Variants in PTPRG observed in about 807,000 individuals in gnomAD.
The protein encoded by PTPRG is protein tyrosine phosphatase receptor type G, also known as receptor-type tyrosine-protein phosphatase gamma.
In PTPRG, 102 loss-of-function variants were observed where a neutral mutation model predicts 165.3. That is an observed-to-expected ratio of 0.62 (90% confidence interval 0.53 to 0.73). The LOEUF is 0.73. PTPRG is among the 30% of genes least tolerant of loss of function. The pLI is 0.00. For missense variants in PTPRG, 1,866 were observed against 1,861.4 expected, an observed-to-expected ratio of 1.00 and a Z score of -0.05; for synonymous variants, 675 against 669.5, an observed-to-expected ratio of 1.01 and a Z score of -0.13.
chr3:62,104,435 C>T (rs1316448902), intron 5 of PTPRG, among the ~76,000 whole-genome samples: 5 of 152,198 alleles, frequency 3.3e-5, no homozygotes, highest in African/African-American at 1.2e-4. Context: ...TACAATTCTA[C>T]CTAAGGACTT....
intron 4 of PTPRG, among the ~76,000 whole-genome samples, chr3:62,042,391 G>C (rs1300076965): frequency 6.6e-6 from 1 of 152,174 alleles, no homozygotes; most frequent in Non-Finnish European, 1.5e-5. Flanking sequence ...TATTTCTACA[G>C]CGTGTCTTTG....
At chr3:61,781,760 C>G (rs1217114683) in intron 2 of PTPRG, among the ~76,000 whole-genome samples, 1 of 152,020 alleles carries the variant, frequency 6.6e-6, no homozygotes, top group East Asian at 1.9e-4. Context: ...TAGGGTCTTA[C>G]TCTCTTATGT....
intron 1 of PTPRG, among the ~76,000 whole-genome samples, chr3:61,683,503 T>C (rs962276698): frequency 6.6e-6 from 1 of 152,228 alleles, no homozygotes; most frequent in East Asian, 1.9e-4. Context: ...AATCCCTCTC[T>C]ACACTTAACA....
chr3:62,216,362 C>G (rs1180627348), intron 12 of PTPRG, among the ~76,000 whole-genome samples: 3 of 152,108 alleles, frequency 2.0e-5, no homozygotes, highest in African/African-American at 7.2e-5. Context: ...TTCTTTGTAG[C>G]AGCACAGGCA....
intron 3 of PTPRG, among the ~76,000 whole-genome samples, chr3:61,998,477 A>C (rs1228915645): frequency 6.6e-6 from 1 of 152,150 alleles, no homozygotes; most frequent in African/African-American, 2.4e-5. Flanking sequence ...TCTTATTCCA[A>C]TTTTACAGAA....
At chr3:61,809,227 A>G (rs1158875389) in intron 2 of PTPRG, among the ~76,000 whole-genome samples, 2 of 151,750 alleles carry the variant, frequency 1.3e-5, no homozygotes, top group Admixed American at 6.6e-5. Flanking sequence ...CTTAGTCAAG[A>G]GCTTGCATCC....
At position 61,860,572 on chromosome 3, in the gene PTPRG, A is replaced by T. The variant is rs544410436; in HGVS notation, c.190+111590A>T. Among the ~76,000 whole-genome samples, 6 of 150,358 alleles carry T rather than the reference A, an allele frequency of 4.0e-5. No homozygotes were observed. In the Admixed American group the frequency reaches 4.0e-4, roughly 10 times the overall value. ...TATACTGCCTCAGCCTCTGGAGTAG[A>T]TGGGATTACAGGCACGCACCAGCAC... is the stretch of plus-strand genomic sequence containing the variant. On this transcript the variant is annotated intron_variant, in intron 2 of 29. Coordinates refer to ENST00000474889, the MANE Select transcript of PTPRG (RefSeq NM_002841.4).
intron 1 of PTPRG, among the ~76,000 whole-genome samples, chr3:61,580,304 A>G (rs1428550250): frequency 6.6e-6 from 1 of 151,964 alleles, no homozygotes; most frequent in Non-Finnish European, 1.5e-5. Context: ...AACAAACAAC[A>G]GTTATACTCA....
At chr3:62,279,040 G>T (rs780769144) in intron 26 of PTPRG, among the ~76,000 whole-genome samples, 25 of 151,998 alleles carry the variant, frequency 1.6e-4, no homozygotes, top group Non-Finnish European at 3.2e-4. Context: ...TCTCTCTGAG[G>T]CCTCAGAAGG....
chr3:62,058,639 G>T (rs1057490649), intron 4 of PTPRG, among the ~76,000 whole-genome samples: 1 of 152,096 alleles, frequency 6.6e-6, no homozygotes, highest in Non-Finnish European at 1.5e-5. Flanking sequence ...TATGTAGGCC[G>T]TGGGTCTGTC....
At chr3:62,168,902 G>A (rs1291485261) in intron 8 of PTPRG, among the ~76,000 whole-genome samples, 3 of 152,226 alleles carry the variant, frequency 2.0e-5, no homozygotes, top group African/African-American at 7.2e-5. Flanking sequence ...GGCGGAGTTG[G>A]CTCTCAGCAG....
chr3:62,053,596 G>T (rs142265751), intron 4 of PTPRG, among the ~76,000 whole-genome samples: 2 of 152,000 alleles, frequency 1.3e-5, no homozygotes, highest in African/African-American at 4.8e-5. Flanking sequence ...AACTTATCTA[G>T]CTAGTGCTTA....
chr3:62,017,591 A>ATTTTTT (rs11324791), intron 4 of PTPRG, among the ~76,000 whole-genome samples: 1 of 142,806 alleles, frequency 7.0e-6, no homozygotes, highest in Non-Finnish European at 1.5e-5. Flanking sequence ...AATTTTTTGT[A>ATTTTTT]TTTTTTTTTT....
chr3:62,200,491 A>C (rs1700072764), intron 10 of PTPRG, among the ~76,000 whole-genome samples: 1 of 151,900 alleles, frequency 6.6e-6, no homozygotes, highest in African/African-American at 2.4e-5. Flanking sequence ...GGATGGTCTC[A>C]ATCTCCTGAC....
At chr3:61,632,365 G>A (rs1701793836) in intron 1 of PTPRG, among the ~76,000 whole-genome samples, 1 of 152,060 alleles carries the variant, frequency 6.6e-6, no homozygotes, top group Admixed American at 6.6e-5. Flanking sequence ...AAGTTATAAG[G>A]CACATAGGTG....
chr3:62,266,175 G>GAGTT (rs909105699), intron 17 of PTPRG, among the ~76,000 whole-genome samples: 17 of 152,194 alleles, frequency 1.1e-4, no homozygotes, highest in African/African-American at 3.6e-4. Flanking sequence ...AACATTCAGG[G>GAGTT]AGTTAGGTTT....
chr3:61,698,140 C>A (rs114344202), intron 1 of PTPRG, among the ~76,000 whole-genome samples: 1,720 of 152,188 alleles, frequency 0.011, 10 homozygotes, highest in Non-Finnish European at 0.016. Flanking sequence ...AAATAAATAT[C>A]TATGCTTTTC....
chr3:61,712,235 G>C (rs544844760), intron 1 of PTPRG, among the ~76,000 whole-genome samples: 1 of 151,910 alleles, frequency 6.6e-6, no homozygotes. Context: ...AACTGCCATC[G>C]ATTATTTTTA....
intron 2 of PTPRG, among the ~76,000 whole-genome samples, chr3:61,974,883 C>G (rs2040466911): frequency 6.6e-6 from 1 of 152,204 alleles, no homozygotes; most frequent in Admixed American, 6.5e-5. Flanking sequence ...AGACACAGAC[C>G]TGAAGTCTGT....
Sources: gnomAD v4.1 joint callset for allele counts (sites outside exome capture counted in the v4.1 genomes callset) on GRCh38, gnomAD v4.1.1 for gene constraint, MANE v1.5 for transcripts, NCBI Gene and HGNC (gene_info 2026-07-23, HGNC 2026-07-21) for gene names.